The following CACUL1 variants were observed in gnomAD, a reference collection of about 807,000 sequenced individuals.
The protein encoded by CACUL1 is CDK2 associated cullin domain 1.
A neutral mutation model predicts 45.2 loss-of-function variants in CACUL1; 13 were observed. The ratio of observed to expected loss-of-function variants is 0.29; its 90% confidence interval spans 0.19 to 0.46. The LOEUF is 0.46. Among genes scored for constraint, CACUL1 ranks in the 20% least tolerant of loss-of-function variants. The pLI, the probability that CACUL1 is intolerant of heterozygous loss-of-function variation, is 1.00. For synonymous variants in CACUL1, 197 were observed against 174.2 expected (o/e 1.13, Z -1.03); for missense variants, 421 against 471.4 (o/e 0.89, Z 0.99).
At chr10:118,710,168 C>G (rs971521951) in intron 3 of CACUL1, among the ~76,000 whole-genome samples, 1 of 152,000 alleles carries the variant, frequency 6.6e-6, no homozygotes, top group Non-Finnish European at 1.5e-5. Context: ...TCAAGCAACC[C>G]TCCTGCCTCA....
chr10:118,711,460 A>G (rs951841575), intron 3 of CACUL1, among the ~76,000 whole-genome samples: 2 of 152,250 alleles, frequency 1.3e-5, no homozygotes, highest in East Asian at 3.8e-4. Flanking sequence ...ACTTTTAACT[A>G]TAACTAATGA....
intron 1 of CACUL1, among the ~76,000 whole-genome samples, chr10:118,746,696 G>A (rs1194808655): frequency 2.6e-5 from 4 of 152,148 alleles, no homozygotes; most frequent in Non-Finnish European, 4.4e-5. Context: ...ATAGTTGTCT[G>A]ACAAAACTTG....
chr10:118,746,509 A>C (rs1845844762), intron 1 of CACUL1, among the ~76,000 whole-genome samples: 1 of 152,234 alleles, frequency 6.6e-6, no homozygotes, highest in Non-Finnish European at 1.5e-5. Flanking sequence ...AAAACTGCTA[A>C]GAAAAATTAC....
At chr10:118,695,697 G>C (rs1845315696) in intron 5 of CACUL1, among the ~76,000 whole-genome samples, 2 of 152,150 alleles carry the variant, frequency 1.3e-5, no homozygotes. Flanking sequence ...TTTCTTACAA[G>C]AGCTAAGGGC....
chr10:118,690,162 G>A (rs572159399), intron 7 of CACUL1, among the ~76,000 whole-genome samples: 2 of 152,032 alleles, frequency 1.3e-5, no homozygotes, highest in Non-Finnish European at 2.9e-5. Flanking sequence ...TTAGCCGGGC[G>A]CGGTGGCGGG....
intron 1 of CACUL1, among the ~76,000 whole-genome samples, chr10:118,741,389 G>C (rs1440414853): frequency 6.6e-6 from 1 of 152,032 alleles, no homozygotes; most frequent in Non-Finnish European, 1.5e-5. Context: ...CAGGAAATGA[G>C]AAAATGCAGA....
At chr10:118,726,553 T>C (rs984437224) in intron 3 of CACUL1, among the ~76,000 whole-genome samples, 1 of 152,154 alleles carries the variant, frequency 6.6e-6, no homozygotes, top group Non-Finnish European at 1.5e-5. Context: ...ACAGAAGAAA[T>C]GCCAATAGTC....
chr10:118,709,906 A>AT lies in CACUL1; in HGVS notation c.598-2320dup, dbSNP rs551356636. The stretch of plus-strand genomic sequence containing the variant: ...TTACATTTCTTTTTTTTAAATTATT[A>AT]TTTTTTTTTGTACATTTTGAGAAAG... On this transcript the variant is annotated intron_variant, in intron 3 of 8. Coordinates refer to ENST00000369151, the MANE Select transcript of CACUL1 (RefSeq NM_153810.5). Among the ~76,000 whole-genome samples, 1,345 of 150,690 alleles carry AT rather than the reference A, an allele frequency of 8.9e-3. 9 individuals are homozygous for AT. Among genetic ancestry groups the AT allele is most frequent in the Non-Finnish European group, 0.014 (978 of 67,586 alleles).
rs944068058 is a variant in CACUL1 at position 118,681,963 on chromosome 10, A to G, written c.*4165T>C. 1.3e-5 allele frequency: 2 copies of G among 152,206 alleles called. No individual in the cohort carries two copies. Among genetic ancestry groups the G allele is most frequent in the African/African-American group, 2.4e-5 (1 of 41,442 alleles). 9.4% of individuals were successfully genotyped at this position (152,206 alleles called of 1,614,324 possible). A position where few individuals can be genotyped will look rare whatever the true frequency, so the allele number is the denominator to read the frequency against. Reference sequence around the variant, plus strand: ...GGGTAATGAAAGAAACAGGAGAGCCATTTCTCCAGGAACTCCTATGACCTC... The same window carrying G: ...GGGTAATGAAAGAAACAGGAGAGCCGTTTCTCCAGGAACTCCTATGACCTC... On this transcript the variant is annotated 3_prime_UTR_variant, in exon 9 of 9. Coordinates refer to ENST00000369151, the MANE Select transcript of CACUL1 (RefSeq NM_153810.5).
intron 3 of CACUL1, among the ~76,000 whole-genome samples, chr10:118,720,481 T>C (rs1845589618): frequency 6.6e-6 from 1 of 152,244 alleles, no homozygotes; most frequent in Non-Finnish European, 1.5e-5. Flanking sequence ...CAGTTTGGTC[T>C]CAAAGAAAGT....
chr10:118,684,873 A>G lies in CACUL1; in HGVS notation c.*1255T>C, dbSNP rs1468257840. ...TTAAGATTCAAGCAAAATTGAGAAG[A>G]AAAGTATTTTTCTCTTGCCACATCT... On this transcript the variant is annotated 3_prime_UTR_variant, in exon 9 of 9. Transcript: ENST00000369151. The G allele has an allele frequency of 1.3e-5, 2 of 152,254 alleles. No homozygotes were observed. Among genetic ancestry groups the G allele is most frequent in the African/African-American group, 2.4e-5 (1 of 41,462 alleles). 9.4% of individuals were successfully genotyped at this position (152,254 alleles called of 1,614,324 possible).
intron 3 of CACUL1, among the ~76,000 whole-genome samples, chr10:118,722,624 T>C (rs1845612162): frequency 6.6e-6 from 1 of 152,132 alleles, no homozygotes; most frequent in Non-Finnish European, 1.5e-5. Context: ...TAATAATGGC[T>C]CCAAAGAGCA....
At chr10:118,704,712 C>T (rs1438290814) in intron 4 of CACUL1, among the ~76,000 whole-genome samples, 1 of 152,224 alleles carries the variant, frequency 6.6e-6, no homozygotes, top group African/African-American at 2.4e-5. Flanking sequence ...AGCATGCACT[C>T]CCCATTCTGA....
chr10:118,733,268 T>C (rs1482390776), intron 1 of CACUL1, among the ~76,000 whole-genome samples: 1 of 151,916 alleles, frequency 6.6e-6, no homozygotes, highest in Non-Finnish European at 1.5e-5. Flanking sequence ...AAAAGAGACT[T>C]AAAAACCAAA....
chr10:118,690,643 A>G (rs796459168), intron 7 of CACUL1, among the ~76,000 whole-genome samples: 16 of 152,364 alleles, frequency 1.1e-4, no homozygotes, highest in African/African-American at 3.6e-4. Flanking sequence ...AGTACATTAT[A>G]ACAGATCATA....
At position 118,685,180 on chromosome 10, in the gene CACUL1, C is replaced by A. The variant is rs1322936180; in HGVS notation, c.*948G>T. 7.0e-6 allele frequency: 1 copy of A among 142,124 alleles called. No homozygotes were observed. Among genetic ancestry groups the A allele is most frequent in the Non-Finnish European group, 1.6e-5 (1 of 63,534 alleles). The allele number at this position is 142,124 out of a possible 1,614,324, so 8.8% of individuals were successfully genotyped here. ...ACTGTATCTGCTTCCTAGAGCATCGCAGGAAGTAGCTCTCAATAATACTAA... is the reference window on the plus strand; with the variant it reads ...ACTGTATCTGCTTCCTAGAGCATCGAAGGAAGTAGCTCTCAATAATACTAA... On this transcript the variant is annotated 3_prime_UTR_variant, in exon 9 of 9. Transcript: ENST00000369151.
chr10:118,697,508 TCA>T (rs1845334715), intron 5 of CACUL1, among the ~76,000 whole-genome samples: 1 of 152,250 alleles, frequency 6.6e-6, no homozygotes, highest in African/African-American at 2.4e-5. Context: ...TTGCTGAAAG[TCA>T]CACACCTTTT....
At chr10:118,703,120 T>TAA (rs1845399346) in intron 4 of CACUL1, among the ~76,000 whole-genome samples, 1 of 152,110 alleles carries the variant, frequency 6.6e-6, no homozygotes, top group African/African-American at 2.4e-5. Flanking sequence ...GTTTCTCTCT[T>TAA]TAAAAAAATA....
chr10:118,687,239 C>T (rs1845216369), intron 7 of CACUL1, among the ~76,000 whole-genome samples: 1 of 152,124 alleles, frequency 6.6e-6, no homozygotes, highest in Admixed American at 6.5e-5. Context: ...TCTCCACAGG[C>T]CAGAGGCTCC....
Sources: gnomAD v4.1 joint callset for allele counts (sites outside exome capture counted in the v4.1 genomes callset) on GRCh38, gnomAD v4.1.1 for gene constraint, MANE v1.5 for transcripts, NCBI Gene and HGNC (gene_info 2026-07-23, HGNC 2026-07-21) for gene names.